Variants in MALRD1 observed in about 807,000 individuals in gnomAD.
MALRD1 encodes the protein MAM and LDL-receptor class A domain-containing protein 1.
MALRD1 carries 247 observed loss-of-function variants against 242.1 expected under a neutral mutation model. The observed-to-expected ratio is 1.02, with a 90% CI of 0.92 to 1.13. The LOEUF (loss-of-function observed/expected upper bound fraction) is 1.13. Ranked by LOEUF, MALRD1 falls within the 50% of genes most tolerant of loss-of-function variation. The pLI is 0.00. For missense variants in MALRD1, 2,989 were observed against 2,533.1 expected (o/e 1.18, Z -3.86); for synonymous variants, 995 against 866.6 (o/e 1.15, Z -2.60).
rs549868403 is a variant in MALRD1 at position 19,662,287 on chromosome 10, T to C, written c.6138-29995T>C. On this transcript the variant is annotated intron_variant, in intron 36 of 39. Transcript: ENST00000454679. ...GCATACAGCAAAATCAAAGCTTGAA[T>C]GGAAGTTAAAGGACCTTTAAGATGA... Among the ~76,000 whole-genome samples the C allele has an allele frequency of 5.9e-5, 9 of 152,260 alleles. No individual in the cohort carries two copies. In the South Asian group the frequency reaches 1.9e-3, roughly 32 times the overall value.
intron 18 of MALRD1, among the ~76,000 whole-genome samples, chr10:19,233,088 TAGG>T (rs1838153038): frequency 1.3e-5 from 2 of 152,204 alleles, no homozygotes; most frequent in South Asian, 2.1e-4. Context: ...TGTGGGTACA[TAGG>T]AGGTGTATAT....
intron 28 of MALRD1, among the ~76,000 whole-genome samples, chr10:19,412,728 G>A (rs963585292): frequency 6.6e-6 from 1 of 152,138 alleles, no homozygotes; most frequent in African/African-American, 2.4e-5. Context: ...AGGAGGCAGA[G>A]TCTGCCAACC....
intron 32 of MALRD1, among the ~76,000 whole-genome samples, chr10:19,559,585 G>T (rs955433275): frequency 2.6e-5 from 4 of 151,946 alleles, no homozygotes; most frequent in African/African-American, 9.7e-5. Flanking sequence ...CCTGGTCAAA[G>T]ACTTCATGAC....
At chr10:19,656,950 G>A (rs1841183004) in intron 36 of MALRD1, among the ~76,000 whole-genome samples, 1 of 152,070 alleles carries the variant, frequency 6.6e-6, no homozygotes, top group African/African-American at 2.4e-5. Flanking sequence ...TTAATTTAGA[G>A]GATCTAAGAG....
chr10:19,095,579 A>G (rs949653482), intron 4 of MALRD1, among the ~76,000 whole-genome samples: 1 of 152,000 alleles, frequency 6.6e-6, no homozygotes, highest in Non-Finnish European at 1.5e-5. Flanking sequence ...TGGTAGGTAC[A>G]ATGAAGGGAA....
chr10:19,066,138 A>ATACC (rs1390423401), intron 1 of MALRD1, among the ~76,000 whole-genome samples: 4 of 152,212 alleles, frequency 2.6e-5, no homozygotes, highest in Non-Finnish European at 5.9e-5. Context: ...ACAATTTACA[A>ATACC]TACCTCAGAC....
At chr10:19,179,084 C>A (rs918580086) in intron 14 of MALRD1, among the ~76,000 whole-genome samples, 1 of 152,066 alleles carries the variant, frequency 6.6e-6, no homozygotes, top group Non-Finnish European at 1.5e-5. Flanking sequence ...TGCAGGATAG[C>A]GCTCAAAACA....
intron 20 of MALRD1, among the ~76,000 whole-genome samples, chr10:19,280,976 TAGAAC>T (rs1840776212): frequency 6.6e-6 from 1 of 152,322 alleles, no homozygotes; most frequent in Admixed American, 6.5e-5. Flanking sequence ...ATTAAGGGCT[TAGAAC>T]AGACAGATAA....
At chr10:19,447,596 T>C (rs777228479) in intron 28 of MALRD1, among the ~76,000 whole-genome samples, 5 of 152,196 alleles carry the variant, frequency 3.3e-5, no homozygotes, top group Non-Finnish European at 7.3e-5. Context: ...GAAAATTCTT[T>C]GGGGATTTGC....
At chr10:19,142,098 G>C (rs11008647) in intron 10 of MALRD1, among the ~76,000 whole-genome samples, 10,199 of 149,244 alleles carry the variant, frequency 0.068, 400 homozygotes, top group East Asian at 0.22. Flanking sequence ...CGTGAACCCG[G>C]GAGGCGGAGC....
intron 38 of MALRD1, among the ~76,000 whole-genome samples, chr10:19,725,839 T>C (rs1834999682): frequency 6.6e-6 from 1 of 152,168 alleles, no homozygotes; most frequent in Non-Finnish European, 1.5e-5. Flanking sequence ...GTCCATCCAA[T>C]GGGGATCAAA....
intron 33 of MALRD1, among the ~76,000 whole-genome samples, chr10:19,578,440 C>G (rs1432417587): frequency 6.6e-6 from 1 of 152,130 alleles, no homozygotes; most frequent in Non-Finnish European, 1.5e-5. Context: ...GCCTGTAATT[C>G]CAGCACTTTG....
chr10:19,654,687 G>A (rs1409743), intron 36 of MALRD1, among the ~76,000 whole-genome samples: 14,893 of 152,106 alleles, frequency 0.098, 1,818 homozygotes, highest in African/African-American at 0.29. Flanking sequence ...CAAAGTTCCT[G>A]AAAGAAACTA....
chr10:19,081,753 G>A (rs1169411205), intron 2 of MALRD1, among the ~76,000 whole-genome samples: 1 of 151,968 alleles, frequency 6.6e-6, no homozygotes, highest in Admixed American at 6.6e-5. Flanking sequence ...TCCTGCATGT[G>A]TACCCCAGAA....
chr10:19,150,317 T>G (rs1311694906), intron 11 of MALRD1, among the ~76,000 whole-genome samples: 1 of 152,136 alleles, frequency 6.6e-6, no homozygotes, highest in Non-Finnish European at 1.5e-5. Context: ...CAGCTATTCA[T>G]TTCAGGTGTT....
At chr10:19,177,078 A>T (rs976389598) in intron 14 of MALRD1, among the ~76,000 whole-genome samples, 3 of 151,906 alleles carry the variant, frequency 2.0e-5, no homozygotes, top group Non-Finnish European at 2.9e-5. Context: ...GGAGTTCAAG[A>T]CCTGCCTGGC....
intron 39 of MALRD1, among the ~76,000 whole-genome samples, chr10:19,733,839 A>G (rs752542107): frequency 1.1e-4 from 17 of 152,046 alleles, no homozygotes; most frequent in Non-Finnish European, 2.4e-4. Flanking sequence ...ACCTAACTAT[A>G]TTCAATACAG....
intron 32 of MALRD1, among the ~76,000 whole-genome samples, chr10:19,551,250 C>T (rs141649473): frequency 1.2e-4 from 18 of 152,124 alleles, no homozygotes; most frequent in Admixed American, 9.2e-4. Context: ...CTCCCATCGT[C>T]TCTGATATTT....
At chr10:19,196,341 C>T (rs950613546) in intron 14 of MALRD1, among the ~76,000 whole-genome samples, 1 of 152,098 alleles carries the variant, frequency 6.6e-6, no homozygotes, top group Non-Finnish European at 1.5e-5. Flanking sequence ...TAAACTTTCT[C>T]TTCTGAATCT....
Sources: allele counts gnomAD v4.1 joint callset (sites outside exome capture counted in the v4.1 genomes callset), GRCh38; gene constraint gnomAD v4.1.1; transcripts MANE v1.5; gene names NCBI Gene and HGNC (gene_info 2026-07-23, HGNC 2026-07-21).